CLSTN2: variants seen among roughly 807,000 people sequenced by gnomAD.
CLSTN2 encodes calsyntenin 2.
CLSTN2 carries 48 observed loss-of-function variants against 101.2 expected under a neutral mutation model. That is an observed-to-expected ratio of 0.47 (90% CI 0.38 to 0.60). The LOEUF is 0.60. CLSTN2 is among the 20% of genes least tolerant of loss of function. CLSTN2 has a pLI of 0.00. For missense variants in CLSTN2, 1,160 were observed against 1,238.2 expected (o/e 0.94, Z 0.95); for synonymous variants, 481 against 463.6 (o/e 1.04, Z -0.48).
At chr3:140,254,140 A>G (rs953926539) in intron 2 of CLSTN2, among the ~76,000 whole-genome samples, 1 of 152,214 alleles carries the variant, frequency 6.6e-6, no homozygotes, top group African/African-American at 2.4e-5. Flanking sequence ...CTCGACTTCC[A>G]TTGCACATAC....
At chr3:140,076,202 T>C (rs2008484666) in intron 1 of CLSTN2, among the ~76,000 whole-genome samples, 1 of 152,250 alleles carries the variant, frequency 6.6e-6, no homozygotes, top group South Asian at 2.1e-4. Flanking sequence ...CATAATGTTC[T>C]TCGCGTTCAT....
At chr3:140,305,023 GACACACACACACAC>G (rs374893786) in intron 2 of CLSTN2, among the ~76,000 whole-genome samples, 41 of 143,088 alleles carry the variant, frequency 2.9e-4, no homozygotes, top group Non-Finnish European at 5.5e-4. Flanking sequence ...CACACACAGA[GACACACACACACAC>G]ACACACACAC....
At chr3:140,142,425 T>C (rs1165047454) in intron 1 of CLSTN2, among the ~76,000 whole-genome samples, 1 of 152,152 alleles carries the variant, frequency 6.6e-6, no homozygotes, top group East Asian at 1.9e-4. Context: ...GTGAGAAGGC[T>C]TCGCACCACA....
intron 2 of CLSTN2, among the ~76,000 whole-genome samples, chr3:140,226,503 A>C (rs2086321127): frequency 6.6e-6 from 1 of 152,214 alleles, no homozygotes; most frequent in Non-Finnish European, 1.5e-5. Flanking sequence ...AGATAGATGG[A>C]TAGATATGGG....
intron 2 of CLSTN2, among the ~76,000 whole-genome samples, chr3:140,352,391 A>G (rs1387304910): frequency 6.6e-6 from 1 of 152,168 alleles, no homozygotes; most frequent in Non-Finnish European, 1.5e-5. Flanking sequence ...TTGTCCTAAG[A>G]CAACTCAATC....
intron 2 of CLSTN2, among the ~76,000 whole-genome samples, chr3:140,395,299 C>T (rs2088168873): frequency 6.6e-6 from 1 of 152,234 alleles, no homozygotes; most frequent in Admixed American, 6.5e-5. Context: ...TCACTATGCA[C>T]CTAGCTGCTT....
At chr3:140,525,047 AAAAGAAC>A (rs1211824242) in intron 8 of CLSTN2, among the ~76,000 whole-genome samples, 2 of 152,224 alleles carry the variant, frequency 1.3e-5, no homozygotes, top group Non-Finnish European at 2.9e-5. Flanking sequence ...GAAGGGGAGA[AAAAGAAC>A]AATCCAACCT....
chr3:140,284,124 G>A (rs1270896896), intron 2 of CLSTN2, among the ~76,000 whole-genome samples: 1 of 152,136 alleles, frequency 6.6e-6, no homozygotes, highest in East Asian at 1.9e-4. Flanking sequence ...AGAGAAGGCA[G>A]CAAGATACTC....
At chr3:140,375,182 A>T (rs1329560361) in intron 2 of CLSTN2, among the ~76,000 whole-genome samples, 1 of 152,226 alleles carries the variant, frequency 6.6e-6, no homozygotes, top group Non-Finnish European at 1.5e-5. Flanking sequence ...AGAGGACCAG[A>T]TGATCTGACT....
chr3:140,075,296 C>T (rs1046869125), intron 1 of CLSTN2, among the ~76,000 whole-genome samples: 27 of 152,040 alleles, frequency 1.8e-4, no homozygotes, highest in Non-Finnish European at 2.8e-4. Context: ...TTTGTCCTTC[C>T]TTCACTTAAG....
intron 1 of CLSTN2, among the ~76,000 whole-genome samples, chr3:139,940,373 T>TTA (rs1333986692): frequency 1.3e-5 from 2 of 152,212 alleles, no homozygotes; most frequent in Admixed American, 6.5e-5. Flanking sequence ...TTAACCCATC[T>TTA]GAGACTCAGT....
chr3:139,949,864 G>A (rs1576373532), intron 1 of CLSTN2, among the ~76,000 whole-genome samples: 2 of 152,272 alleles, frequency 1.3e-5, no homozygotes, highest in East Asian at 1.9e-4. Flanking sequence ...GACTGTACAA[G>A]TTTTAAGTGG....
chr3:140,038,442 G>T (rs9863333), intron 1 of CLSTN2, among the ~76,000 whole-genome samples: 9,190 of 152,006 alleles, frequency 0.06, 344 homozygotes, highest in Non-Finnish European at 0.079. Context: ...CTGGATATTA[G>T]ACTCTTGTCA....
chr3:140,403,495 G>A (rs765303330), intron 2 of CLSTN2, 134 bp from the exon 3 acceptor site: 3 of 737,438 alleles, frequency 4.1e-6, no homozygotes, highest in Non-Finnish European at 6.9e-6. Flanking sequence ...GATGCTGCTG[G>A]CTCGTGGACC....
chr3:140,307,891 A>G (rs1284549844), intron 2 of CLSTN2, among the ~76,000 whole-genome samples: 2 of 152,218 alleles, frequency 1.3e-5, no homozygotes, highest in South Asian at 2.1e-4. Flanking sequence ...AAATGTTTAC[A>G]TTTAACAATT....
chr3:140,193,873 T>C (rs1275176340), intron 2 of CLSTN2, among the ~76,000 whole-genome samples: 1 of 152,178 alleles, frequency 6.6e-6, no homozygotes, highest in Non-Finnish European at 1.5e-5. Context: ...ATTTTTCTCT[T>C]TTCCTGTGCA....
chr3:140,503,239 T>C (rs1934616180), intron 8 of CLSTN2, among the ~76,000 whole-genome samples: 1 of 152,222 alleles, frequency 6.6e-6, no homozygotes, highest in Admixed American at 6.5e-5. Context: ...CTTTTTGCTG[T>C]TTAAGTACAG....
intron 2 of CLSTN2, among the ~76,000 whole-genome samples, chr3:140,265,488 G>A (rs569579730): frequency 6.6e-5 from 10 of 152,292 alleles, no homozygotes; most frequent in African/African-American, 1.7e-4. Context: ...TACGTGGGCT[G>A]TCAGAGGCCC....
intron 5 of CLSTN2, among the ~76,000 whole-genome samples, chr3:140,440,745 T>C (rs2088754346): frequency 6.6e-6 from 1 of 152,238 alleles, no homozygotes; most frequent in Non-Finnish European, 1.5e-5. Context: ...CTAGCAGTTA[T>C]GCTCTGTGGA....
Sources: gnomAD v4.1 joint callset for allele counts (sites outside exome capture counted in the v4.1 genomes callset) on GRCh38, gnomAD v4.1.1 for gene constraint, MANE v1.5 for transcripts, NCBI Gene and HGNC (gene_info 2026-07-23, HGNC 2026-07-21) for gene names.